The following TOM1 variants were observed in gnomAD, a reference collection of about 807,000 sequenced individuals.
The protein encoded by TOM1 is target of Myb protein 1.
Under a neutral mutation model 61.3 loss-of-function variants are expected in TOM1, and 38 were observed. The ratio of observed to expected loss-of-function variants is 0.62; its 90% confidence interval spans 0.48 to 0.81. TOM1 has a LOEUF of 0.81. Ranked by LOEUF, TOM1 falls within the 40% of genes least tolerant of loss-of-function variation. TOM1 has a pLI of 0.00. For missense variants in TOM1, 591 were observed against 659.6 expected (o/e 0.90, Z 1.14); for synonymous variants, 270 against 268.8 (o/e 1.00, Z -0.04).
chr22:35,311,457 T>C (rs1926815262), intron 1 of TOM1, among the ~76,000 whole-genome samples: 1 of 152,256 alleles, frequency 6.6e-6, no homozygotes, highest in Non-Finnish European at 1.5e-5. Context: ...TTTCTTGTTC[T>C]GTCCTTAGCC....
chr22:35,321,841 A>G (rs1445190411), intron 2 of TOM1, 118 bp from the exon 3 acceptor site: 1 of 892,792 alleles, frequency 1.1e-6, no homozygotes, highest in East Asian at 2.4e-5. Context: ...CTGGATACAC[A>G]AAACAGGTGG....
rs1212937826 is a variant in TOM1, at chr22:35,322,211, G to C, written c.216+174G>C. ...GCAGGCGGATGCAGAATGGCAAGAG[G>C]CCATTTGGAAAGGTTCTCCCCAATC... On this transcript the variant is annotated intron_variant, in intron 3 of 14. Transcript: ENST00000449058. 4.9e-6 allele frequency: 3 copies of C among 607,146 alleles called. No individual in the cohort carries two copies. The African/African-American group carries it at 5.6e-5, about 11-fold the overall frequency. 37.6% of individuals were successfully genotyped at this position (607,146 alleles called of 1,614,324 possible). A position where few individuals can be genotyped will look rare whatever the true frequency, so the allele number is the denominator to read the frequency against.
intron 1 of TOM1, among the ~76,000 whole-genome samples, chr22:35,303,090 C>G (rs561099626): frequency 1.3e-4 from 19 of 151,594 alleles, no homozygotes; most frequent in Admixed American, 7.9e-4. Context: ...GAATGAGTGT[C>G]AGTCACTGGA....
At chr22:35,333,526 A>C (rs1365590505) in intron 10 of TOM1, 29 bp downstream of exon 10, 1 of 1,604,930 alleles carries the variant, frequency 6.2e-7, no homozygotes, top group East Asian at 2.2e-5. Context: ...GCTCCAGCTG[A>C]GGGTACATTA....
chr22:35,343,941 C>T (rs1440431832), intron 12 of TOM1, among the ~76,000 whole-genome samples: 1 of 151,036 alleles, frequency 6.6e-6, no homozygotes, highest in African/African-American at 2.4e-5. Flanking sequence ...CACACACCAC[C>T]TACACACACC....
At chr22:35,308,144 C>A (rs1315636823) in intron 1 of TOM1, among the ~76,000 whole-genome samples, 3 of 152,142 alleles carry the variant, frequency 2.0e-5, no homozygotes, top group Non-Finnish European at 4.4e-5. Context: ...GCCAGCTCAC[C>A]CTACAGATTT....
chr22:35,318,041 C>A (rs1461768036), intron 2 of TOM1, 80 bp downstream of exon 2: 7 of 1,297,198 alleles, frequency 5.4e-6, no homozygotes, highest in Non-Finnish European at 7.8e-6. Context: ...TTCCAGGGAG[C>A]CCCTGCCCCA....
chr22:35,304,397 G>A (rs1926131772), intron 1 of TOM1, among the ~76,000 whole-genome samples: 2 of 152,224 alleles, frequency 1.3e-5, no homozygotes, highest in Non-Finnish European at 1.5e-5. Context: ...AGCTGGTGTT[G>A]TCACAGCCCT....
At chr22:35,316,554 G>C (rs1175641765) in intron 1 of TOM1, among the ~76,000 whole-genome samples, 1 of 152,196 alleles carries the variant, frequency 6.6e-6, no homozygotes, top group Non-Finnish European at 1.5e-5. Context: ...CCCGGTGCTT[G>C]CTACCATGCA....
chr22:35,346,768 G>A (rs1269055770), intron 13 of TOM1, among the ~76,000 whole-genome samples, 162 bp from the exon 14 acceptor site: 1 of 152,184 alleles, frequency 6.6e-6, no homozygotes, highest in Non-Finnish European at 1.5e-5. Flanking sequence ...TCAGGGAGGA[G>A]CCCAGGTCCA....
chr22:35,318,925 G>A (rs1331708127), intron 2 of TOM1, among the ~76,000 whole-genome samples: 3 of 152,234 alleles, frequency 2.0e-5, no homozygotes, highest in Non-Finnish European at 4.4e-5. Flanking sequence ...GAGAGGCGCA[G>A]GCTGGATGCA....
At chr22:35,305,862 G>C (rs531811766) in intron 1 of TOM1, among the ~76,000 whole-genome samples, 13 of 152,020 alleles carry the variant, frequency 8.6e-5, no homozygotes, top group Admixed American at 6.6e-4. Context: ...CAGAAGCCGG[G>C]GTGGGGAGGG....
intron 8 of TOM1, 40 bp downstream of exon 8, chr22:35,330,520 C>A: frequency 6.4e-7 from 1 of 1,559,800 alleles, no homozygotes; most frequent in Non-Finnish European, 8.7e-7. Flanking sequence ...CCTACTGCCC[C>A]AACCCTCTCC....
intron 12 of TOM1, among the ~76,000 whole-genome samples, chr22:35,339,968 C>T (rs935118163): frequency 7.2e-5 from 11 of 152,078 alleles, no homozygotes; most frequent in African/African-American, 1.9e-4. Context: ...CTTTGAATTC[C>T]GTTTAGTTCC....
intron 1 of TOM1, among the ~76,000 whole-genome samples, chr22:35,316,575 C>T (rs1201150682): frequency 6.6e-6 from 1 of 152,218 alleles, no homozygotes; most frequent in Non-Finnish European, 1.5e-5. Context: ...GACCTGCAGC[C>T]AGTGGTCCCG....
intron 1 of TOM1, among the ~76,000 whole-genome samples, chr22:35,307,981 G>A (rs957963108): frequency 2.6e-5 from 4 of 152,194 alleles, no homozygotes; most frequent in African/African-American, 9.7e-5. Context: ...CGCGTAAAGC[G>A]TATTGCCCTC....
chr22:35,303,504 CTTTT>C (rs528560916), intron 1 of TOM1, among the ~76,000 whole-genome samples: 3 of 131,604 alleles, frequency 2.3e-5, no homozygotes, highest in African/African-American at 2.8e-5. Flanking sequence ...TTTATTATTT[CTTTT>C]TTTTTTTTTT....
chr22:35,341,656 A>G (rs895110512), intron 12 of TOM1, among the ~76,000 whole-genome samples: 8 of 152,156 alleles, frequency 5.3e-5, no homozygotes, highest in Non-Finnish European at 1.2e-4. Context: ...GCCCAGAGAC[A>G]GGGTTCACTT....
intron 7 of TOM1, among the ~76,000 whole-genome samples, chr22:35,327,953 G>A (rs1928484266): frequency 6.6e-6 from 1 of 152,094 alleles, no homozygotes; most frequent in African/African-American, 2.4e-5. Flanking sequence ...CACTGAATTT[G>A]GCAAAAAGCA....
Sources: allele counts gnomAD v4.1 joint callset (sites outside exome capture counted in the v4.1 genomes callset), GRCh38; gene constraint gnomAD v4.1.1; transcripts MANE v1.5; gene names NCBI Gene and HGNC (gene_info 2026-07-23, HGNC 2026-07-21).